TULP3: variants seen among roughly 807,000 people sequenced by gnomAD.
TULP3 encodes the protein TUB like protein 3, also known as tubby-related protein 3.
Under a neutral mutation model 50.7 loss-of-function variants are expected in TULP3, and 38 were observed. The observed-to-expected ratio is 0.75, with a 90% CI of 0.58 to 0.98. The LOEUF is 0.98. TULP3 is among the 50% of genes least tolerant of loss of function. TULP3 has a pLI of 0.00. For synonymous variants in TULP3, 183 were observed against 196.6 expected (o/e 0.93, Z 0.58); for missense variants, 550 against 568.0 (o/e 0.97, Z 0.32).
chr12:2,903,565 A>C (rs1383211604), intron 1 of TULP3, among the ~76,000 whole-genome samples: 1 of 42,758 alleles, frequency 2.3e-5, no homozygotes, highest in African/African-American at 1.4e-4. Flanking sequence ...TCTATCTCAA[A>C]AAAAAAAAAA....
chr12:2,899,368 C>T (rs531795011), intron 1 of TULP3, among the ~76,000 whole-genome samples: 121 of 136,358 alleles, frequency 8.9e-4, no homozygotes, highest in Middle Eastern at 4.1e-3. Context: ...AAAAAAACAG[C>T]GAAATTCATT....
intron 1 of TULP3, among the ~76,000 whole-genome samples, chr12:2,892,545 C>T (rs983489598): frequency 2.6e-5 from 4 of 151,888 alleles, no homozygotes; most frequent in Non-Finnish European, 4.4e-5. Context: ...CGGAGTCTCT[C>T]TCTGTCGCCA....
intron 4 of TULP3, among the ~76,000 whole-genome samples, chr12:2,928,952 C>A (rs2098196212): frequency 6.6e-6 from 1 of 150,426 alleles, no homozygotes; most frequent in African/African-American, 2.4e-5. Flanking sequence ...CTCAAAAAAT[C>A]ATAATAATTT....
intron 1 of TULP3, among the ~76,000 whole-genome samples, chr12:2,901,662 T>C (rs11062406): frequency 0.49 from 74,675 of 151,880 alleles, 19,107 homozygotes; most frequent in African/African-American, 0.64. Flanking sequence ...GGATTACAGG[T>C]GTGAGCTACC....
intron 8 of TULP3, 73 bp downstream of exon 8, chr12:2,934,634 G>C (rs374207383): frequency 3.5e-5 from 31 of 880,532 alleles, no homozygotes; most frequent in Non-Finnish European, 5.2e-5. Flanking sequence ...TAGTGTCGCT[G>C]AAGAACCTCC....
At chr12:2,899,619 C>T (rs1339968951) in intron 1 of TULP3, among the ~76,000 whole-genome samples, 8 of 152,078 alleles carry the variant, frequency 5.3e-5, no homozygotes, top group Admixed American at 4.6e-4. Context: ...GGGGGCCGGG[C>T]GTGGTGGCTC....
intron 1 of TULP3, among the ~76,000 whole-genome samples, chr12:2,895,718 G>A (rs1312090514): frequency 6.6e-6 from 1 of 152,162 alleles, no homozygotes; most frequent in African/African-American, 2.4e-5. Flanking sequence ...TAATGATGGG[G>A]ATGCATTCTG....
chr12:2,925,344 A>G (rs2098194100), intron 4 of TULP3, among the ~76,000 whole-genome samples: 1 of 152,324 alleles, frequency 6.6e-6, no homozygotes, highest in East Asian at 1.9e-4. Flanking sequence ...CCTGACCTCC[A>G]GTTCCAATAT....
At chr12:2,922,135 A>G in intron 3 of TULP3, 127 bp from the exon 4 acceptor site, 1 of 1,126,508 alleles carries the variant, frequency 8.9e-7, no homozygotes, top group Non-Finnish European at 1.3e-6. Flanking sequence ...GTTCTTATGG[A>G]TGTTAAGAAA....
At position 2,930,254 on chromosome 12, in the gene TULP3, C is replaced by T; in HGVS notation, c.401C>T (p.Ser134Phe). 1 of 1,610,966 alleles carries T rather than the reference C, an allele frequency of 6.2e-7. No individual in the cohort carries two copies. Among genetic ancestry groups the T allele is most frequent in the Non-Finnish European group, 8.5e-7 (1 of 1,178,204 alleles). Residue 134 changes from serine to phenylalanine, a missense_variant, in exon 5 of 11, where the codon TCT becomes TTT. Ser to Phe is a radical substitution (Grantham distance 155). Transcript: ENST00000448120. The part of the protein sequence containing the change: ...LQERLQKHDI[S>F]ESVNFDEETD... ...GTTCTTCCTTTTCTGCTAGATATCT[C>T]TGAAAGTGTGAACTTCGATGAGGAG...
chr12:2,900,075 A>G (rs1001791033), intron 1 of TULP3, among the ~76,000 whole-genome samples: 1 of 151,474 alleles, frequency 6.6e-6, no homozygotes, highest in Non-Finnish European at 1.5e-5. Flanking sequence ...AAAATAAAAA[A>G]TTAACCAGGC....
At chr12:2,935,947 C>T (rs567534138) in intron 8 of TULP3, among the ~76,000 whole-genome samples, 36 of 151,568 alleles carry the variant, frequency 2.4e-4, no homozygotes, top group Non-Finnish European at 4.7e-4. Flanking sequence ...CTAGCCTGGG[C>T]GACAGCATGA....
intron 2 of TULP3, among the ~76,000 whole-genome samples, chr12:2,913,143 A>G (rs2098186582): frequency 6.6e-6 from 1 of 150,884 alleles, no homozygotes; most frequent in Admixed American, 6.6e-5. Context: ...AGTGGGTGTG[A>G]AGTGGTATCT....
intron 5 of TULP3, 70 bp from the exon 6 acceptor site, chr12:2,930,967 A>G (rs2098197635): frequency 3.6e-5 from 56 of 1,535,006 alleles, no homozygotes; most frequent in Non-Finnish European, 5.0e-5. Context: ...TTTGTCCACT[A>G]AGTGTTTTTC....
At chr12:2,920,943 A>C in intron 3 of TULP3, 21 bp downstream of exon 3, 1 of 1,613,144 alleles carries the variant, frequency 6.2e-7, no homozygotes, top group Non-Finnish European at 8.5e-7. Context: ...AGGCAGCATC[A>C]CTTCCTAGTG....
In TULP3 at chr12:2,940,814, C is replaced by G; in HGVS notation, c.*1370C>G. On this transcript the variant is annotated 3_prime_UTR_variant, in exon 11 of 11. Coordinates refer to ENST00000448120, the MANE Select transcript of TULP3 (RefSeq NM_003324.5). ...TGGGTGAGGACGAGACTGTTTCCAT[C>G]TCAGGCATGTATCCCACCAAGTGCC... 1 of 1,243,324 alleles carries G rather than the reference C, an allele frequency of 8.0e-7. No individual in the cohort carries two copies. Among genetic ancestry groups the G allele is most frequent in the East Asian group, 2.6e-5 (1 of 38,816 alleles). The allele number at this position is 1,243,324 out of a possible 1,614,324, so 77.0% of individuals were successfully genotyped here.
At chr12:2,927,235 A>G (rs1190019442) in intron 4 of TULP3, among the ~76,000 whole-genome samples, 2 of 152,266 alleles carry the variant, frequency 1.3e-5, no homozygotes, top group African/African-American at 2.4e-5. Context: ...ATAACACTCC[A>G]TTGTATGGAT....
intron 1 of TULP3, among the ~76,000 whole-genome samples, chr12:2,895,223 C>T (rs2878280): frequency 0.48 from 72,444 of 152,014 alleles, 17,716 homozygotes; most frequent in African/African-American, 0.59. Flanking sequence ...CTCAAATCAG[C>T]GGCCAGCCTT....
chr12:2,935,536 C>G (rs2098200559), intron 8 of TULP3, among the ~76,000 whole-genome samples: 2 of 152,170 alleles, frequency 1.3e-5, no homozygotes, highest in Admixed American at 1.3e-4. Context: ...AGGAATTGAC[C>G]CATCTCAGCT....
Sources: gnomAD v4.1 joint callset for allele counts (sites outside exome capture counted in the v4.1 genomes callset) on GRCh38, gnomAD v4.1.1 for gene constraint, MANE v1.5 for transcripts, NCBI Gene and HGNC (gene_info 2026-07-23, HGNC 2026-07-21) for gene names.